Variants in NEGR1 observed in about 807,000 individuals in gnomAD.
The protein encoded by NEGR1 is neuronal growth regulator 1.
NEGR1 carries 10 observed loss-of-function variants against 40.9 expected under a neutral mutation model. The observed-to-expected ratio is 0.24, with a 90% confidence interval of 0.15 to 0.42. NEGR1 has a LOEUF of 0.42. Among genes scored for constraint, NEGR1 ranks in the 10% least tolerant of loss-of-function variants. The pLI, the probability that NEGR1 is intolerant of heterozygous loss-of-function variation, is 1.00. For missense variants in NEGR1, 352 were observed against 438.9 expected (o/e 0.80, Z 1.77); for synonymous variants, 185 against 166.8 (o/e 1.11, Z -0.84).
At chr1:71,784,537 G>A (rs1029447832) in intron 2 of NEGR1, among the ~76,000 whole-genome samples, 3 of 152,114 alleles carry the variant, frequency 2.0e-5, no homozygotes, top group Admixed American at 6.6e-5. Flanking sequence ...TTTTACCATC[G>A]TGTTCTTTTC....
intron 1 of NEGR1, among the ~76,000 whole-genome samples, chr1:72,224,188 C>T (rs1654101643): frequency 1.5e-5 from 2 of 130,984 alleles, no homozygotes; most frequent in African/African-American, 5.0e-5. Context: ...TGATGTATGA[C>T]ATTCAACATT....
chr1:72,073,495 G>A (rs184349916), intron 1 of NEGR1, among the ~76,000 whole-genome samples: 1 of 152,122 alleles, frequency 6.6e-6, no homozygotes, highest in East Asian at 1.9e-4. Flanking sequence ...GATGTTTATA[G>A]CTAAGAAAAC....
chr1:71,445,197 G>A (rs1281783437), intron 6 of NEGR1, among the ~76,000 whole-genome samples: 1 of 151,960 alleles, frequency 6.6e-6, no homozygotes, highest in Non-Finnish European at 1.5e-5. Context: ...CTCTAGTTGG[G>A]GTTAAGACTT....
intron 1 of NEGR1, among the ~76,000 whole-genome samples, chr1:72,025,145 AG>A (rs1646795557): frequency 6.6e-6 from 1 of 152,198 alleles, no homozygotes; most frequent in South Asian, 2.1e-4. Context: ...CAAAACATAT[AG>A]ATATAGCTAA....
chr1:72,069,164 C>T (rs1647358157), intron 1 of NEGR1, among the ~76,000 whole-genome samples: 2 of 151,998 alleles, frequency 1.3e-5, no homozygotes, highest in South Asian at 4.1e-4. Flanking sequence ...AATCCCAGCA[C>T]TTTGGGAGGC....
intron 2 of NEGR1, among the ~76,000 whole-genome samples, chr1:71,930,101 C>A (rs754548540): frequency 9.2e-5 from 14 of 151,992 alleles, no homozygotes; most frequent in Admixed American, 2.0e-4. Flanking sequence ...AGGTGGTAAT[C>A]AAAAAGCTAT....
Position 72,212,229 on chromosome 1 carries a change from A to T in NEGR1, c.176+70090T>A, listed in dbSNP as rs949613527. On this transcript the variant is annotated intron_variant, in intron 1 of 6. Transcript: ENST00000357731. ...GTTAAACTTTATCAATTGATGTTGTAAAATTACAATCAATTAACTTTATTA... is the reference window on the plus strand; with the variant it reads ...GTTAAACTTTATCAATTGATGTTGTTAAATTACAATCAATTAACTTTATTA... Among the ~76,000 whole-genome samples the T allele has an allele frequency of 4.6e-5, 7 of 152,150 alleles. No homozygotes were observed. The South Asian group carries it at 1.5e-3, about 32-fold the overall frequency.
chr1:72,280,239 A>G (rs1309230431), intron 1 of NEGR1, among the ~76,000 whole-genome samples: 2 of 152,182 alleles, frequency 1.3e-5, no homozygotes, highest in African/African-American at 2.4e-5. Flanking sequence ...TGAACTAAAC[A>G]TGGGTCTCCT....
At chr1:71,731,362 A>G (rs1194249030) in intron 3 of NEGR1, among the ~76,000 whole-genome samples, 1 of 152,194 alleles carries the variant, frequency 6.6e-6, no homozygotes, top group East Asian at 1.9e-4. Flanking sequence ...TGATTACATG[A>G]TGGTGGAACT....
intron 1 of NEGR1, among the ~76,000 whole-genome samples, chr1:72,103,397 G>A (rs1321303154): frequency 6.6e-6 from 1 of 152,098 alleles, no homozygotes; most frequent in Non-Finnish European, 1.5e-5. Flanking sequence ...AATTCAGGAT[G>A]TGATGAAGAT....
intron 4 of NEGR1, among the ~76,000 whole-genome samples, chr1:71,675,144 T>TATATATATATA (rs1557608678): frequency 5.4e-5 from 7 of 129,216 alleles, no homozygotes; most frequent in African/African-American, 1.3e-4. Flanking sequence ...CACATATGAA[T>TATATATATATA]TCTTAGAAGC....
At chr1:72,075,652 T>G (rs997258904) in intron 1 of NEGR1, among the ~76,000 whole-genome samples, 7 of 152,174 alleles carry the variant, frequency 4.6e-5, no homozygotes, top group African/African-American at 1.7e-4. Context: ...CCCAGGTCCT[T>G]TCAACAGAAG....
intron 4 of NEGR1, among the ~76,000 whole-genome samples, chr1:71,651,696 C>G (rs1411402675): frequency 6.6e-6 from 1 of 152,060 alleles, no homozygotes; most frequent in Non-Finnish European, 1.5e-5. Context: ...ACATGTTGAA[C>G]TCACTTATGA....
chr1:71,511,420 C>T (rs1241893487), intron 6 of NEGR1, among the ~76,000 whole-genome samples: 1 of 152,080 alleles, frequency 6.6e-6, no homozygotes, highest in African/African-American at 2.4e-5. Context: ...GTTACAAGAC[C>T]AGCATTTGCT....
chr1:71,916,491 G>A (rs369713761), intron 2 of NEGR1, among the ~76,000 whole-genome samples: 30 of 152,252 alleles, frequency 2.0e-4, no homozygotes, highest in African/African-American at 7.0e-4. Flanking sequence ...TGTGGCTCAC[G>A]CCTGTAATCG....
At chr1:71,563,769 C>A (rs139784843) in intron 6 of NEGR1, among the ~76,000 whole-genome samples, 10 of 151,918 alleles carry the variant, frequency 6.6e-5, no homozygotes, top group African/African-American at 2.4e-4. Flanking sequence ...ATAAATAAAT[C>A]TAGCATTTGT....
chr1:71,487,085 C>T (rs1646892574), intron 6 of NEGR1: 1 of 151,426 alleles, frequency 6.6e-6, no homozygotes, highest in East Asian at 1.9e-4. Context: ...TTTTTTGCAC[C>T]ACTTAAGTCG....
intron 6 of NEGR1, among the ~76,000 whole-genome samples, chr1:71,476,382 A>G (rs1646820940): frequency 6.6e-6 from 1 of 152,106 alleles, no homozygotes; most frequent in African/African-American, 2.4e-5. Flanking sequence ...CTGGTGTGTA[A>G]ATAATGTAAC....
At chr1:72,189,505 C>T (rs1213116092) in intron 1 of NEGR1, among the ~76,000 whole-genome samples, 2 of 151,514 alleles carry the variant, frequency 1.3e-5, no homozygotes, top group Non-Finnish European at 3.0e-5. Context: ...ATTGTGTTGT[C>T]TCTCCTCACT....
Sources: gnomAD v4.1 joint callset for allele counts (sites outside exome capture counted in the v4.1 genomes callset) on GRCh38, gnomAD v4.1.1 for gene constraint, MANE v1.5 for transcripts, NCBI Gene and HGNC (gene_info 2026-07-23, HGNC 2026-07-21) for gene names.